Variants in GABRB3 observed in about 807,000 individuals in gnomAD.
GABRB3 encodes the protein gamma-aminobutyric acid type A receptor subunit beta3.
Under a neutral mutation model 52.1 loss-of-function variants are expected in GABRB3, and 14 were observed. The ratio of observed to expected loss-of-function variants is 0.27; its 90% CI spans 0.18 to 0.42. GABRB3 has a LOEUF of 0.42. Among genes scored for constraint, GABRB3 ranks in the 10% least tolerant of loss-of-function variants. GABRB3 has a pLI of 1.00. For synonymous variants in GABRB3, 260 were observed against 232.3 expected (o/e 1.12, Z -1.08); for missense variants, 307 against 609.1 (o/e 0.50, Z 5.22).
intron 6 of GABRB3, among the ~76,000 whole-genome samples, chr15:26,577,889 C>G (rs945713303): frequency 6.6e-6 from 1 of 152,166 alleles, no homozygotes; most frequent in Non-Finnish European, 1.5e-5. Context: ...TGGGTTCAAG[C>G]GATCCTCCCA....
chr15:26,668,020 C>A lies in GABRB3; in HGVS notation c.241-46486G>T, dbSNP rs375511663. Among the ~76,000 whole-genome samples the A allele has an allele frequency of 5.3e-5, 8 of 152,256 alleles. No individual in the cohort carries two copies. In the South Asian group the frequency reaches 1.7e-3, roughly 32 times the overall value. On this transcript the variant is annotated intron_variant, in intron 3 of 8. Coordinates refer to ENST00000311550, the MANE Select transcript of GABRB3 (RefSeq NM_000814.6). ...CAGAAATAGGAAACAAGATTCCCTG[C>A]GTAACACCCTGCGTAACAGTGGTTT...
chr15:26,771,670 C>T (rs1891147634), intron 3 of GABRB3: 1 of 152,284 alleles, frequency 6.6e-6, no homozygotes, highest in Non-Finnish European at 1.5e-5. Flanking sequence ...GTACTGACCT[C>T]CGCTTCCCAC....
chr15:26,668,537 G>GTTT (rs56759654), intron 3 of GABRB3, among the ~76,000 whole-genome samples: 1 of 151,712 alleles, frequency 6.6e-6, no homozygotes, highest in Admixed American at 6.6e-5. Context: ...TCATTTATGT[G>GTTT]TTTTTTTCTG....
intron 3 of GABRB3, among the ~76,000 whole-genome samples, chr15:26,716,215 A>G (rs989782654): frequency 2.0e-5 from 3 of 152,196 alleles, no homozygotes; most frequent in African/African-American, 7.2e-5. Flanking sequence ...CAGCAACTGA[A>G]TGCTACATGC....
intron 3 of GABRB3, among the ~76,000 whole-genome samples, chr15:26,648,123 G>A (rs1339747203): frequency 6.6e-6 from 1 of 152,034 alleles, no homozygotes; most frequent in Non-Finnish European, 1.5e-5. Flanking sequence ...CTGGAACTCT[G>A]TGCCCATTAA....
intron 3 of GABRB3, among the ~76,000 whole-genome samples, chr15:26,659,729 A>C (rs1044403070): frequency 1.3e-5 from 2 of 152,158 alleles, no homozygotes; most frequent in Non-Finnish European, 2.9e-5. Flanking sequence ...TCAAGAAAGG[A>C]GTAGTTTATT....
rs148139534 is a variant in GABRB3 at position 26,726,033 on chromosome 15, G to A, written c.240+46369C>T. Among the ~76,000 whole-genome samples, 4 of 152,270 alleles carry A rather than the reference G, an allele frequency of 2.6e-5. No individual in the cohort carries two copies. The East Asian group carries it at 7.8e-4, about 30-fold the overall frequency. ...TGTCATTTTACTCCTCATTGTGGGTGTGCTACTATGGGGGAAATCTGGGTG... is the reference window on the plus strand; with the variant it reads ...TGTCATTTTACTCCTCATTGTGGGTATGCTACTATGGGGGAAATCTGGGTG... On this transcript the variant is annotated intron_variant, in intron 3 of 8. Transcript: ENST00000311550.
At position 26,561,074 on chromosome 15, in the gene GABRB3, C is replaced by A. The variant is rs2140680074; in HGVS notation, c.938G>T (p.Cys313Phe). 1 of 1,614,168 alleles carries A rather than the reference C, an allele frequency of 6.2e-7. No individual in the cohort carries two copies. Among genetic ancestry groups the A allele is most frequent in the Non-Finnish European group, 8.5e-7 (1 of 1,180,032 alleles). ...AAGGGCCAGGAACACAAAGACGAAGCAGCCCATAAGGTACATGTCAATGGC... is the reference window on the plus strand; with the variant it reads ...AAGGGCCAGGAACACAAAGACGAAGAAGCCCATAAGGTACATGTCAATGGC... Reference protein sequence around the residue: ...VKAIDMYLMGCFVFVFLALLE... With the variant: ...VKAIDMYLMGFFVFVFLALLE... Residue 313 changes from cysteine (C) to phenylalanine (F), a missense_variant, in exon 8 of 9, where the codon TGC becomes TTC. By Grantham distance (205) the Cys-to-Phe change is radical. Transcript: ENST00000311550.
intron 3 of GABRB3, among the ~76,000 whole-genome samples, chr15:26,647,164 A>C (rs1454416662): frequency 6.6e-6 from 1 of 152,188 alleles, no homozygotes; most frequent in Non-Finnish European, 1.5e-5. Context: ...CTTTGGAGAA[A>C]TATCTATTCA....
At position 26,773,032 on chromosome 15, in the gene GABRB3, CCTG is replaced by C. The variant is rs1263182901; in HGVS notation, c.-73_-71del. ...GTCGCGACCCGCAGCCGGGGCTGCT[CCTG>C]CTGCTGCCGCCGCCGCCGCCGCCGC... is the stretch of plus-strand genomic sequence containing the variant. On this transcript the variant is annotated 5_prime_UTR_variant, in exon 1 of 9. Coordinates refer to ENST00000311550, the MANE Select transcript of GABRB3 (RefSeq NM_000814.6). 5 of 1,040,720 alleles carry C rather than the reference CCTG, an allele frequency of 4.8e-6. No homozygotes were observed. The highest frequency in any genetic ancestry group is 1.0e-4 in the Admixed American group (1 of 9,614). 64.5% of individuals were successfully genotyped at this position (1,040,720 alleles called of 1,614,324 possible).
intron 3 of GABRB3, among the ~76,000 whole-genome samples, chr15:26,760,759 T>A (rs1164036074): frequency 1.3e-5 from 2 of 151,822 alleles, no homozygotes; most frequent in African/African-American, 4.8e-5. Flanking sequence ...ATGCTTCTTT[T>A]AAAAACTGGT....
intron 3 of GABRB3, among the ~76,000 whole-genome samples, chr15:26,692,919 T>G (rs771475990): frequency 2.6e-5 from 4 of 152,162 alleles, no homozygotes; most frequent in Non-Finnish European, 4.4e-5. Context: ...GGACAAAAAT[T>G]TTCCCTAAAG....
chr15:26,620,373 G>C (rs1372091098), intron 4 of GABRB3, among the ~76,000 whole-genome samples: 1 of 152,144 alleles, frequency 6.6e-6, no homozygotes, highest in Non-Finnish European at 1.5e-5. Context: ...AAGTCCCAGG[G>C]ATGTGGATTT....
intron 4 of GABRB3, among the ~76,000 whole-genome samples, chr15:26,594,840 A>C (rs1303524891): frequency 1.3e-5 from 2 of 152,208 alleles, no homozygotes; most frequent in Non-Finnish European, 2.9e-5. Context: ...AATTTCTTTA[A>C]GTGCCAAGAG....
chr15:26,658,954 A>C (rs1169795932), intron 3 of GABRB3, among the ~76,000 whole-genome samples: 1 of 152,254 alleles, frequency 6.6e-6, no homozygotes, highest in Admixed American at 6.5e-5. Context: ...TAAATTGATC[A>C]AATTGTTCCT....
Position 26,547,105 on chromosome 15 carries a change from G to C in GABRB3, c.*688C>G, listed in dbSNP as rs142983977. 6.3e-6 allele frequency: 1 copy of C among 158,392 alleles called. No homozygotes were observed. Among genetic ancestry groups the C allele is most frequent in the East Asian group, 1.8e-4 (1 of 5,508 alleles). The allele number at this position is 158,392 out of a possible 1,614,324, so 9.8% of individuals were successfully genotyped here. On this transcript the variant is annotated 3_prime_UTR_variant, in exon 9 of 9. Transcript: ENST00000311550. ...CACTCCCGATGAGTTTTCAAAAGACGGTCGTTCAGACATCAACGTGGGATC... is the reference window on the plus strand; with the variant it reads ...CACTCCCGATGAGTTTTCAAAAGACCGTCGTTCAGACATCAACGTGGGATC...
intron 3 of GABRB3, among the ~76,000 whole-genome samples, chr15:26,701,093 A>T (rs1247469982): frequency 1.3e-5 from 2 of 152,162 alleles, no homozygotes; most frequent in Non-Finnish European, 2.9e-5. Context: ...AACGAGGAAG[A>T]GAAGAGGACT....
At chr15:26,616,973 A>C (rs1892279157) in intron 4 of GABRB3, among the ~76,000 whole-genome samples, 1 of 150,238 alleles carries the variant, frequency 6.7e-6, no homozygotes, top group African/African-American at 2.5e-5. Context: ...AAAAACAAAA[A>C]GTGTATGTGT....
chr15:26,554,034 TATTTATTTATTTA>T (rs1889595563), intron 8 of GABRB3, among the ~76,000 whole-genome samples: 1 of 76,602 alleles, frequency 1.3e-5, no homozygotes, highest in African/African-American at 5.9e-5. Context: ...TATATATATA[TATTTATTTATTTA>T]TATTTATTTA....
Sources: gnomAD v4.1 joint callset for allele counts (sites outside exome capture counted in the v4.1 genomes callset) on GRCh38, gnomAD v4.1.1 for gene constraint, MANE v1.5 for transcripts, NCBI Gene and HGNC (gene_info 2026-07-23, HGNC 2026-07-21) for gene names.